SEL1L3: variants seen among roughly 807,000 people sequenced by gnomAD.
SEL1L3 encodes SEL1L family member 3.
SEL1L3 carries 76 observed loss-of-function variants against 142.8 expected under a neutral mutation model. The ratio of observed to expected loss-of-function variants is 0.53; its 90% CI spans 0.44 to 0.64. SEL1L3 has a LOEUF of 0.64. SEL1L3 is among the 30% of genes least tolerant of loss of function. The pLI, the probability that SEL1L3 is intolerant of heterozygous loss-of-function variation, is 0.00. For synonymous variants in SEL1L3, 504 were observed against 519.6 expected (o/e 0.97, Z 0.41); for missense variants, 1,262 against 1,381.7 (o/e 0.91, Z 1.37).
chr4:25,748,588 G>T lies in SEL1L3; in HGVS notation c.3260-24C>A, dbSNP rs1023807541. 7 of 1,599,656 alleles carry T rather than the reference G, an allele frequency of 4.4e-6. No individual in the cohort carries two copies. The African/African-American group carries it at 9.4e-5, about 21-fold the overall frequency. On this transcript the variant is annotated intron_variant, in intron 23 of 23. Coordinates refer to ENST00000399878, the MANE Select transcript of SEL1L3 (RefSeq NM_015187.5). ...TGCTGCAGAGACACATGCACAACAG[G>T]TGCTGAATACTCAAAACAGTGCATT...
rs761088433 is a variant in SEL1L3 at position 25,804,779 on chromosome 4, C to T, written c.1565-27G>A. ...TGTAAATAACACAATTCAGAGCACA[C>T]ACAATTAATTACCATGGGATCGATG... On this transcript the variant is annotated intron_variant, in intron 9 of 23. Coordinates refer to ENST00000399878, the MANE Select transcript of SEL1L3 (RefSeq NM_015187.5). 1.8e-5 allele frequency: 26 copies of T among 1,476,050 alleles called. No homozygotes were observed. The East Asian group carries it at 5.4e-4, about 31-fold the overall frequency. The allele number at this position is 1,476,050 out of a possible 1,614,324, so 91.4% of individuals were successfully genotyped here.
chr4:25,782,182 A>G (rs1720046603), intron 15 of SEL1L3, 60 bp downstream of exon 15: 1 of 1,505,554 alleles, frequency 6.6e-7, no homozygotes, highest in African/African-American at 1.4e-5. Flanking sequence ...TGTACCTTCA[A>G]CAAATGCTTC....
intron 23 of SEL1L3, chr4:25,756,189 G>T: frequency 1.0e-6 from 1 of 985,356 alleles, no homozygotes; most frequent in Non-Finnish European, 1.2e-6. Flanking sequence ...CTACCCATTT[G>T]TAAATGTCTC....
At chr4:25,805,789 G>A (rs1713518288) in intron 9 of SEL1L3, among the ~76,000 whole-genome samples, 2 of 152,182 alleles carry the variant, frequency 1.3e-5, no homozygotes, top group Admixed American at 1.3e-4. Context: ...GTTACAAAAG[G>A]CCATATAGGA....
rs763916701 is a variant in SEL1L3, at chr4:25,790,472, C to G, written c.2059G>C (p.Gly687Arg). 5.0e-6 allele frequency: 8 copies of G among 1,613,798 alleles called. No homozygotes were observed. The highest frequency in any genetic ancestry group is 6.8e-6 in the Non-Finnish European group (8 of 1,179,876). Residue 687 changes from glycine to arginine, a missense_variant, in exon 12 of 24, where the codon GGC becomes CGC. Coordinates refer to ENST00000399878, the MANE Select transcript of SEL1L3 (RefSeq NM_015187.5). ...GTTTTTACCTGAGCTGCTGCATTGCCTCGGGTAGCTTCATGCTTCAACCAC... is the reference window on the plus strand; with the variant it reads ...GTTTTTACCTGAGCTGCTGCATTGCGTCGGGTAGCTTCATGCTTCAACCAC... ...FMWLKHEATR[G>R]NAAAQQRLAQ... is the part of the protein sequence containing the mutation.
At chr4:25,761,139 T>C (rs188561579) in intron 20 of SEL1L3, among the ~76,000 whole-genome samples, 277 of 152,330 alleles carry the variant, frequency 1.8e-3, no homozygotes, top group Middle Eastern at 0.01. Context: ...AGGAAGGCAC[T>C]CTTAAAATTT....
At chr4:25,749,551 A>G (rs1008620435) in intron 23 of SEL1L3, among the ~76,000 whole-genome samples, 1 of 152,184 alleles carries the variant, frequency 6.6e-6, no homozygotes, top group South Asian at 2.1e-4. Flanking sequence ...CAAGCCCCCC[A>G]CAGCCCGGCC....
the SEL1L3 span, among the ~76,000 whole-genome samples, chr4:25,714,500 T>TTC: frequency 4.8e-4 from 52 of 109,020 alleles, no homozygotes; most frequent in African/African-American, 1.7e-3. Flanking sequence ...CTTTCTTTCT[T>TTC]TTTCTTTCTT....
chr4:25,827,471 T>C (rs1283749986), intron 6 of SEL1L3, among the ~76,000 whole-genome samples: 3 of 152,234 alleles, frequency 2.0e-5, no homozygotes, highest in African/African-American at 7.2e-5. Flanking sequence ...GGAGCAAATC[T>C]GTCCCTTGTA....
chr4:25,775,912 T>C (rs1719582343), intron 17 of SEL1L3, among the ~76,000 whole-genome samples: 1 of 152,038 alleles, frequency 6.6e-6, no homozygotes, highest in African/African-American at 2.4e-5. Flanking sequence ...ATTCTGGACT[T>C]TCTGTGGCCT....
downstream of SEL1L3, among the ~76,000 whole-genome samples, chr4:25,742,634 A>T (rs571658426): frequency 6.6e-6 from 1 of 152,322 alleles, no homozygotes; most frequent in East Asian, 1.9e-4. Context: ...TAAACATCTA[A>T]TGAGTTCATA....
chr4:25,829,078 T>C (rs889967373), intron 6 of SEL1L3, among the ~76,000 whole-genome samples: 21 of 152,216 alleles, frequency 1.4e-4, no homozygotes, highest in African/African-American at 4.8e-4. Flanking sequence ...GTTCAAGCCA[T>C]TCTCGTGCCT....
At chr4:25,716,440 C>A in the SEL1L3 span, among the ~76,000 whole-genome samples, 24 of 152,256 alleles carry the variant, frequency 1.6e-4, no homozygotes, top group South Asian at 5.0e-3. Context: ...CATTGGAGAA[C>A]TACATGGCAA....
chr4:25,717,357 ATTTTGTT>A, the SEL1L3 span, among the ~76,000 whole-genome samples: 1 of 152,126 alleles, frequency 6.6e-6, no homozygotes, highest in Admixed American at 6.5e-5. Context: ...TGGCTATAAT[ATTTTGTT>A]TTATAAAAAC....
intron 20 of SEL1L3, among the ~76,000 whole-genome samples, chr4:25,761,438 G>A (rs896615760): frequency 6.6e-6 from 1 of 152,158 alleles, no homozygotes; most frequent in Non-Finnish European, 1.5e-5. Flanking sequence ...CTACAGGGTT[G>A]AGCCACCGCG....
At chr4:25,802,526 T>C (rs1577627825) in intron 10 of SEL1L3, 64 bp from the exon 11 acceptor site, 2 of 1,397,656 alleles carry the variant, frequency 1.4e-6, no homozygotes, top group East Asian at 4.6e-5. Context: ...ATCCTAACAC[T>C]GAAAGGTTGT....
intron 11 of SEL1L3, among the ~76,000 whole-genome samples, chr4:25,797,875 A>C (rs10025547): frequency 0.033 from 4,957 of 152,238 alleles, 265 homozygotes; most frequent in African/African-American, 0.11. Context: ...CACAACACCC[A>C]GTGCAGGAGC....
chr4:25,778,891 C>T (rs1334636346), intron 16 of SEL1L3, among the ~76,000 whole-genome samples, 185 bp downstream of exon 16: 4 of 152,034 alleles, frequency 2.6e-5, no homozygotes, highest in African/African-American at 4.8e-5. Flanking sequence ...CTTGTTTAGC[C>T]TTTGTCAAAT....
intron 2 of SEL1L3, among the ~76,000 whole-genome samples, chr4:25,835,712 A>G (rs1715774667): frequency 6.6e-6 from 1 of 152,230 alleles, no homozygotes; most frequent in Non-Finnish European, 1.5e-5. Context: ...TTACAACAGT[A>G]AGTTAACACT....
Sources: allele counts gnomAD v4.1 joint callset (sites outside exome capture counted in the v4.1 genomes callset), GRCh38; gene constraint gnomAD v4.1.1; transcripts MANE v1.5; gene names NCBI Gene and HGNC (gene_info 2026-07-23, HGNC 2026-07-21).